The following PPM1F variants were observed in gnomAD, a reference collection of about 807,000 sequenced individuals.
PPM1F encodes the protein protein phosphatase 1F.
A neutral mutation model predicts 35.5 loss-of-function variants in PPM1F; 17 were observed. The ratio of observed to expected loss-of-function variants is 0.48; its 90% CI spans 0.33 to 0.72. The LOEUF (loss-of-function observed/expected upper bound fraction) is 0.72. PPM1F is among the 30% of genes least tolerant of loss of function. PPM1F has a pLI of 0.02. For missense variants in PPM1F, 521 were observed against 613.0 expected (o/e 0.85, Z 1.59); for synonymous variants, 241 against 255.5 (o/e 0.94, Z 0.54).
At chr22:21,926,870 C>T (rs9610631) in intron 6 of PPM1F, among the ~76,000 whole-genome samples, 15,923 of 152,242 alleles carry the variant, frequency 0.1, 908 homozygotes, top group Non-Finnish European at 0.12. Context: ...CCAGAGCAGA[C>T]GGACATGCAC....
In PPM1F at chr22:21,933,725, A is replaced by G. The variant is rs949588920; in HGVS notation, c.559-146T>C. 4.4e-5 allele frequency: 34 copies of G among 776,962 alleles called. No individual in the cohort carries two copies. The African/African-American group carries it at 5.4e-4, about 12-fold the overall frequency. The allele number at this position is 776,962 out of a possible 1,614,324, so 48.1% of individuals were successfully genotyped here. On this transcript the variant is annotated intron_variant, in intron 4 of 7. Coordinates refer to ENST00000263212, the MANE Select transcript of PPM1F (RefSeq NM_014634.4). ...TGTGCGTATGAGGGGGTAGGTTTGG[A>G]AAAGGACAGCTCGCGGGAGCCTCGG...
At chr22:21,923,584 A>C in intron 7 of PPM1F, 113 bp from the exon 8 acceptor site, 119 of 1,217,402 alleles carry the variant, frequency 9.8e-5, no homozygotes, top group Non-Finnish European at 1.1e-4. Context: ...ACCTGCTCTC[A>C]TGGGGTCTGG....
intron 7 of PPM1F, among the ~76,000 whole-genome samples, chr22:21,923,685 T>C (rs946783459): frequency 6.6e-6 from 1 of 151,970 alleles, no homozygotes; most frequent in African/African-American, 2.4e-5. Flanking sequence ...TCCCCCTTTT[T>C]TTCTTTTTTC....
intron 1 of PPM1F, chr22:21,947,650 G>T (rs1025059842): frequency 1.3e-5 from 2 of 152,184 alleles, no homozygotes; most frequent in Admixed American, 6.5e-5. Flanking sequence ...ACTGAACGAA[G>T]AAGGCAAGGA....
rs532801844 is a variant in PPM1F, at chr22:21,931,015, C to T, written c.891+133G>A. ...GGGACCCCCGGCCACTCAAATCAGG[C>T]AGGGAGCCCTCCCTCTTGAAAGGTG... On this transcript the variant is annotated intron_variant, in intron 6 of 7. Coordinates refer to ENST00000263212, the MANE Select transcript of PPM1F (RefSeq NM_014634.4). 16 of 1,425,384 alleles carry T rather than the reference C, an allele frequency of 1.1e-5. No homozygotes were observed. In the South Asian group the frequency reaches 1.8e-4, roughly 16 times the overall value. 88.3% of individuals were successfully genotyped at this position (1,425,384 alleles called of 1,614,324 possible).
rs868459921 is a variant in PPM1F at position 21,939,789 on chromosome 22, G to A, written c.207-109C>T. 10 of 1,334,366 alleles carry A rather than the reference G, an allele frequency of 7.5e-6. No individual in the cohort carries two copies. The highest frequency in any genetic ancestry group is 4.6e-4 in the Middle Eastern group (2 of 4,308). The allele number at this position is 1,334,366 out of a possible 1,614,324, so 82.7% of individuals were successfully genotyped here. A position where few individuals can be genotyped will look rare whatever the true frequency, so the allele number is the denominator to read the frequency against. On this transcript the variant is annotated intron_variant, in intron 2 of 7. Coordinates refer to ENST00000263212, the MANE Select transcript of PPM1F (RefSeq NM_014634.4). The surrounding 1 kb of genome is among the most constrained non-coding windows in gnomAD (Gnocchi z 5.1). ...GCTGAGGGGTCACGGCCAGCAGGGC[G>A]GCCCCTGTCCTCAGGGAGCTGGGAC... is the stretch of plus-strand genomic sequence containing the variant.
At chr22:21,941,065 C>G (rs1354225393) in intron 2 of PPM1F, 2 of 152,252 alleles carry the variant, frequency 1.3e-5, no homozygotes, top group African/African-American at 4.8e-5. Flanking sequence ...CTACAGACAT[C>G]ACCATGTCCA....
At chr22:21,946,292 TC>T (rs567179645) in intron 1 of PPM1F, 184 bp from the exon 2 acceptor site, 1 of 390,076 alleles carries the variant, frequency 2.6e-6, no homozygotes, top group South Asian at 8.1e-5. Context: ...CATCCAGAGA[TC>T]CGGTCTCAGG....
intron 2 of PPM1F, chr22:21,945,507 G>A (rs2070767844): frequency 1.3e-5 from 4 of 310,910 alleles, no homozygotes; most frequent in Non-Finnish European, 2.4e-5. Context: ...GGAGGAATGA[G>A]TCTACAAGCC....
chr22:21,925,201 C>CG (rs1291205334), intron 7 of PPM1F: 21 of 379,734 alleles, frequency 5.5e-5, no homozygotes, highest in Non-Finnish European at 8.9e-5. Flanking sequence ...AGCGAACCCA[C>CG]TTTTTTCCCA....
intron 6 of PPM1F, among the ~76,000 whole-genome samples, chr22:21,927,024 G>A (rs2070524281): frequency 6.6e-6 from 1 of 152,218 alleles, no homozygotes; most frequent in Admixed American, 6.5e-5. Context: ...CTGCAGCCAT[G>A]AGCCTGTGTG....
chr22:21,926,353 C>A (rs536865130), intron 6 of PPM1F, among the ~76,000 whole-genome samples: 2 of 152,094 alleles, frequency 1.3e-5, no homozygotes, highest in African/African-American at 4.8e-5. Context: ...AGACTGGTCT[C>A]GATCTCCTGA....
chr22:21,945,842 C>T lies in PPM1F; in HGVS notation c.206+1G>A. ...TCCCCTTTGGGGGTGCACAGGCCTA[C>T]CTGCTGCCCAGAAAGCCCATGGCCA... is the stretch of plus-strand genomic sequence containing the variant. On this transcript the variant is annotated splice_donor_variant, in intron 2 of 7. Coordinates refer to ENST00000263212, the MANE Select transcript of PPM1F (RefSeq NM_014634.4). LOFTEE classifies it high-confidence loss of function. 6.2e-7 allele frequency: 1 copy of T among 1,608,388 alleles called. No individual in the cohort carries two copies. The highest frequency in any genetic ancestry group is 8.5e-7 in the Non-Finnish European group (1 of 1,179,794).
At chr22:21,924,436 G>GT (rs2070486719) in intron 7 of PPM1F, among the ~76,000 whole-genome samples, 2 of 151,864 alleles carry the variant, frequency 1.3e-5, no homozygotes, top group South Asian at 4.2e-4. Flanking sequence ...CCCGGCTAAT[G>GT]TTTTTTGTAT....
chr22:21,949,393 C>T (rs1464030204), intron 1 of PPM1F: 1 of 152,234 alleles, frequency 6.6e-6, no homozygotes, highest in African/African-American at 2.4e-5. Flanking sequence ...CTTCCTTTTC[C>T]CAATAAGCTC....
chr22:21,952,409 G>A (rs1479727095), intron 1 of PPM1F: 1 of 152,396 alleles, frequency 6.6e-6, no homozygotes, highest in Non-Finnish European at 1.5e-5. Context: ...GGTGGGGAGA[G>A]GCCAAATCTC....
In PPM1F at chr22:21,922,269, CTTAAG is replaced by C. The variant is rs1569124399; in HGVS notation, c.*818_*822del. 2.0e-5 allele frequency: 3 copies of C among 152,656 alleles called. No homozygotes were observed. Among genetic ancestry groups the C allele is most frequent in the Admixed American group, 2.0e-4 (3 of 15,306 alleles). The allele number at this position is 152,656 out of a possible 1,614,324, so 9.5% of individuals were successfully genotyped here. A position where few individuals can be genotyped will look rare whatever the true frequency, so the allele number is the denominator to read the frequency against. ...AAAAATAGCTTTAAAAAAGTAAATACTTAAGTTTTCTAAAGAATAAAATAAATGCT... is the reference window on the plus strand; with the variant it reads ...AAAAATAGCTTTAAAAAAGTAAATACTTTTCTAAAGAATAAAATAAATGCT... On this transcript the variant is annotated 3_prime_UTR_variant, in exon 8 of 8. Coordinates refer to ENST00000263212, the MANE Select transcript of PPM1F (RefSeq NM_014634.4).
intron 1 of PPM1F, chr22:21,949,528 A>T (rs2070813661): frequency 6.6e-6 from 1 of 152,382 alleles, no homozygotes; most frequent in African/African-American, 2.4e-5. Context: ...TTGAGGGATC[A>T]ACTGGAAGAG....
At chr22:21,946,184 A>C in intron 1 of PPM1F, 76 bp from the exon 2 acceptor site, 2 of 664,044 alleles carry the variant, frequency 3.0e-6, no homozygotes, top group Non-Finnish European at 4.8e-6. Context: ...TGCAAGCACC[A>C]TGTGGCAGGT....
Sources: allele counts gnomAD v4.1 joint callset (sites outside exome capture counted in the v4.1 genomes callset), GRCh38; gene constraint gnomAD v4.1.1; non-coding constraint Gnocchi (gnomAD v3.1); transcripts MANE v1.5; gene names NCBI Gene and HGNC (gene_info 2026-07-23, HGNC 2026-07-21).